LRP1B: variants seen among roughly 807,000 people sequenced by gnomAD.
LRP1B encodes the protein LDL receptor related protein 1B.
In LRP1B, 217 loss-of-function variants were observed where a neutral mutation model predicts 556.6. That is an observed-to-expected ratio of 0.39 (90% CI 0.35 to 0.44). LRP1B has a LOEUF of 0.44. Among genes scored for constraint, LRP1B ranks in the 20% least tolerant of loss-of-function variants. The pLI is 1.00. For missense variants in LRP1B, 5,053 were observed against 5,620.8 expected (o/e 0.90, Z 3.23); for synonymous variants, 2,047 against 1,865.8 (o/e 1.10, Z -2.50).
At chr2:140,625,730 C>G (rs1053168540) in intron 41 of LRP1B, among the ~76,000 whole-genome samples, 1 of 152,144 alleles carries the variant, frequency 6.6e-6, no homozygotes, top group East Asian at 1.9e-4. Context: ...ACATAAAATG[C>G]TGATGGGGCT....
chr2:141,953,908 A>C (rs950328983), intron 1 of LRP1B, among the ~76,000 whole-genome samples: 1 of 152,122 alleles, frequency 6.6e-6, no homozygotes, highest in South Asian at 2.1e-4. Flanking sequence ...AATGATTTAA[A>C]GCTATAATGA....
At chr2:140,762,322 C>T (rs1487034295) in intron 35 of LRP1B, among the ~76,000 whole-genome samples, 1 of 152,074 alleles carries the variant, frequency 6.6e-6, no homozygotes, top group East Asian at 1.9e-4. Flanking sequence ...CTTTCCTATA[C>T]TCATATCTCA....
chr2:141,966,415 A>G (rs1038520486), intron 1 of LRP1B, among the ~76,000 whole-genome samples: 3 of 151,916 alleles, frequency 2.0e-5, no homozygotes, highest in African/African-American at 7.2e-5. Context: ...GTGACACATG[A>G]GAAACACCTG....
At chr2:141,676,484 C>T (rs765333412) in intron 2 of LRP1B, among the ~76,000 whole-genome samples, 4 of 152,136 alleles carry the variant, frequency 2.6e-5, no homozygotes, top group Non-Finnish European at 5.9e-5. Context: ...CTTCAGGCAT[C>T]TGGTTGATCT....
At chr2:142,008,704 A>T (rs1237291812) in intron 1 of LRP1B, among the ~76,000 whole-genome samples, 1 of 151,418 alleles carries the variant, frequency 6.6e-6, no homozygotes, top group Non-Finnish European at 1.5e-5. Flanking sequence ...TTTTTTTCCG[A>T]GTCCTCTCAA....
intron 41 of LRP1B, among the ~76,000 whole-genome samples, chr2:140,692,112 C>G (rs992314072): frequency 1.3e-5 from 2 of 152,010 alleles, no homozygotes; most frequent in Non-Finnish European, 2.9e-5. Context: ...GAGTTGCCTT[C>G]TGTTTCTAAT....
At chr2:140,878,352 A>G (rs530935599) in intron 25 of LRP1B, among the ~76,000 whole-genome samples, 16 of 152,310 alleles carry the variant, frequency 1.1e-4, no homozygotes, top group Non-Finnish European at 1.3e-4. Flanking sequence ...TTTTGTATAA[A>G]AATATTAATT....
At chr2:142,002,141 T>A (rs116555156) in intron 1 of LRP1B, among the ~76,000 whole-genome samples, 4,066 of 152,256 alleles carry the variant, frequency 0.027, 71 homozygotes, top group Non-Finnish European at 0.04. Flanking sequence ...AAAGATTTTT[T>A]AAAATTTAAT....
chr2:141,198,163 C>T (rs1472900361), intron 6 of LRP1B, among the ~76,000 whole-genome samples: 1 of 152,012 alleles, frequency 6.6e-6, no homozygotes, highest in Admixed American at 6.6e-5. Flanking sequence ...GATATAATTG[C>T]ATTTATTTTT....
intron 3 of LRP1B, among the ~76,000 whole-genome samples, chr2:141,401,997 G>A (rs576544283): frequency 7.1e-4 from 108 of 152,142 alleles, no homozygotes; most frequent in African/African-American, 2.5e-3. Flanking sequence ...TAGTTTTTAG[G>A]GAAGCCATAG....
intron 41 of LRP1B, among the ~76,000 whole-genome samples, chr2:140,661,152 A>C (rs1226578480): frequency 6.6e-6 from 1 of 151,818 alleles, no homozygotes; most frequent in East Asian, 1.9e-4. Flanking sequence ...TAAGTTACCT[A>C]CTCCAGTTTA....
At chr2:142,051,122 C>A (rs537593908) in intron 1 of LRP1B, among the ~76,000 whole-genome samples, 1 of 152,002 alleles carries the variant, frequency 6.6e-6, no homozygotes, top group African/African-American at 2.4e-5. Context: ...GAGAGTATGG[C>A]CAGTAAAGTA....
intron 3 of LRP1B, among the ~76,000 whole-genome samples, chr2:141,262,401 T>A (rs1174448702): frequency 6.6e-6 from 1 of 152,104 alleles, no homozygotes; most frequent in Non-Finnish European, 1.5e-5. Context: ...ATTCTCTTAT[T>A]ACTGCTTTTC....
At position 140,703,808 on chromosome 2, in the gene LRP1B, G is replaced by C. The variant is rs1211871561; in HGVS notation, c.6024-1255C>G. On this transcript the variant is annotated intron_variant, in intron 37 of 90. Transcript: ENST00000389484. ...CCTGCATCAATTCATTTAGGTTTAT[G>C]GCCTCCAGCTCCAGCCATGTTGCTG... Among the ~76,000 whole-genome samples, 3 of 152,186 alleles carry C rather than the reference G, an allele frequency of 2.0e-5. No individual in the cohort carries two copies. The East Asian group carries it at 5.8e-4, about 29-fold the overall frequency.
At chr2:140,590,073 C>T (rs1473500993) in intron 43 of LRP1B, among the ~76,000 whole-genome samples, 2 of 151,852 alleles carry the variant, frequency 1.3e-5, no homozygotes, top group African/African-American at 4.8e-5. Context: ...CAGTTATCTC[C>T]AAATAAAAAT....
chr2:140,861,128 C>T (rs1199459426), intron 27 of LRP1B, among the ~76,000 whole-genome samples: 2 of 152,052 alleles, frequency 1.3e-5, no homozygotes, highest in Admixed American at 6.6e-5. Context: ...CTAATGTGGC[C>T]GGGCGCAGTG....
intron 3 of LRP1B, among the ~76,000 whole-genome samples, chr2:141,435,668 G>A (rs1192089427): frequency 6.6e-6 from 1 of 152,188 alleles, no homozygotes; most frequent in Non-Finnish European, 1.5e-5. Context: ...TACAGGGTGG[G>A]TAGCTTACCC....
intron 66 of LRP1B, among the ~76,000 whole-genome samples, chr2:140,398,555 G>A (rs1419397076): frequency 7.1e-6 from 1 of 141,000 alleles, no homozygotes; most frequent in Non-Finnish European, 1.5e-5. Flanking sequence ...GAGAAAGGGT[G>A]TCTTCCTGTT....
intron 35 of LRP1B, among the ~76,000 whole-genome samples, chr2:140,767,140 C>A (rs1689149293): frequency 6.6e-6 from 1 of 151,688 alleles, no homozygotes; most frequent in African/African-American, 2.4e-5. Context: ...TTTCACTGGC[C>A]TGTAGATCTC....
Sources: gnomAD v4.1 joint callset for allele counts (sites outside exome capture counted in the v4.1 genomes callset) on GRCh38, gnomAD v4.1.1 for gene constraint, MANE v1.5 for transcripts, NCBI Gene and HGNC (gene_info 2026-07-23, HGNC 2026-07-21) for gene names.